The following ZNF454 variants were observed in gnomAD, a reference collection of about 807,000 sequenced individuals.
ZNF454 encodes zinc finger protein 454.
ZNF454 carries 30 observed loss-of-function variants against 48.2 expected under a neutral mutation model. That is an observed-to-expected ratio of 0.62 (90% CI 0.47 to 0.84). The LOEUF (loss-of-function observed/expected upper bound fraction) is 0.84. Among genes scored for constraint, ZNF454 ranks in the 40% least tolerant of loss-of-function variants. ZNF454 has a pLI of 0.00. For synonymous variants in ZNF454, 204 were observed against 211.4 expected (o/e 0.97, Z 0.30); for missense variants, 510 against 623.1 (o/e 0.82, Z 1.93).
At chr5:178,986,521 C>A in the ZNF454 span, 5 of 1,608,550 alleles carry the variant, frequency 3.1e-6, no homozygotes, top group Admixed American at 5.0e-5. Flanking sequence ...CCAGCTCAGG[C>A]GCACCACAGG....
chr5:178,965,412 C>T lies in ZNF454; in HGVS notation c.1008C>T (p.Ala336=). The change falls in exon 5 of 5, where the codon GCC becomes GCT. Residue 336 remains alanine (A), a synonymous_variant. Coordinates refer to ENST00000519564, the MANE Select transcript of ZNF454 (RefSeq NM_001178089.3). The surrounding 1 kb of genome is among the most constrained non-coding windows in gnomAD (Gnocchi z 5.2). ...KPYKCNECGK[A]FNQSTSFLQH... The stretch of plus-strand genomic sequence containing the variant: ...ATAAATGCAATGAATGTGGAAAAGC[C>T]TTTAATCAGAGTACAAGTTTCCTTC... 1 of 1,614,114 alleles carries T rather than the reference C, an allele frequency of 6.2e-7. No individual in the cohort carries two copies.
chr5:178,982,521 G>T, the ZNF454 span, among the ~76,000 whole-genome samples: 1 of 131,938 alleles, frequency 7.6e-6, no homozygotes, highest in Non-Finnish European at 1.5e-5. Context: ...AGCTTGCAGT[G>T]AGCCAAGATC....
chr5:178,979,301 T>C, the ZNF454 span: 3 of 151,970 alleles, frequency 2.0e-5, no homozygotes, highest in African/African-American at 7.3e-5. Context: ...ACACACCGAG[T>C]GTGGAAAAGC....
the ZNF454 span, among the ~76,000 whole-genome samples, chr5:178,984,787 G>T: frequency 6.6e-6 from 1 of 152,090 alleles, no homozygotes; most frequent in Admixed American, 6.5e-5. Flanking sequence ...TGTGTGGAAC[G>T]AATAGAGAAG....
chr5:178,952,365 A>G (rs1759594643), intron 4 of ZNF454, among the ~76,000 whole-genome samples: 1 of 152,134 alleles, frequency 6.6e-6, no homozygotes, highest in African/African-American at 2.4e-5. Flanking sequence ...TTTATTGATT[A>G]TTTACTTTCT....
the ZNF454 span, chr5:178,987,314 A>G: frequency 2.0e-6 from 1 of 510,528 alleles, no homozygotes; most frequent in Non-Finnish European, 3.8e-6. Flanking sequence ...TCCCGGGTAG[A>G]TACTCGAGAG....
At chr5:178,958,078 A>AT (rs913592083) in intron 4 of ZNF454, among the ~76,000 whole-genome samples, 2 of 152,124 alleles carry the variant, frequency 1.3e-5, no homozygotes. Context: ...CGTCCCCTAG[A>AT]TTTTTTAAAG....
In ZNF454 at chr5:178,958,386, A is replaced by G. The variant is rs554098608; in HGVS notation, c.251-6269A>G. On this transcript the variant is annotated intron_variant, in intron 4 of 4. Coordinates refer to ENST00000519564, the MANE Select transcript of ZNF454 (RefSeq NM_001178089.3). Reference sequence around the variant, plus strand: ...TGTCTGGCTTCTTGCTTTCAACAGTATGTCTGAGATTCATCCTTGTTGTCA... The same window carrying G: ...TGTCTGGCTTCTTGCTTTCAACAGTGTGTCTGAGATTCATCCTTGTTGTCA... 3.9e-5 allele frequency among the ~76,000 whole-genome samples: 6 copies of G among 152,304 alleles called. No homozygotes were observed. In the East Asian group the frequency reaches 5.8e-4, roughly 15 times the overall value.
At chr5:178,980,644 GT>G in the ZNF454 span, 1 of 152,636 alleles carries the variant, frequency 6.6e-6, no homozygotes, top group Non-Finnish European at 1.5e-5. This position sits in a 1 kb window ranked among gnomAD's most constrained non-coding sequence, Gnocchi z 4.3. Flanking sequence ...TTTTTGTTTT[GT>G]TTTTTTGAGA....
downstream of ZNF454, among the ~76,000 whole-genome samples, chr5:178,969,960 T>C (rs1323558389): frequency 6.6e-6 from 1 of 152,340 alleles, no homozygotes; most frequent in Middle Eastern, 3.4e-3. Flanking sequence ...TGATTTGTCA[T>C]CTGGGTTCTT....
At chr5:178,987,478 T>C in the ZNF454 span, 2 of 456,462 alleles carry the variant, frequency 4.4e-6, no homozygotes, top group South Asian at 3.1e-5. Flanking sequence ...GATTCAGCCT[T>C]CAAAAGGAAG....
the ZNF454 span, among the ~76,000 whole-genome samples, chr5:178,972,223 C>CG: frequency 6.6e-6 from 1 of 152,026 alleles, no homozygotes; most frequent in African/African-American, 2.4e-5. Flanking sequence ...TGTGAGCCAC[C>CG]GCACCTGGCT....
chr5:178,977,846 A>G, the ZNF454 span, among the ~76,000 whole-genome samples: 1 of 152,116 alleles, frequency 6.6e-6, no homozygotes, highest in African/African-American at 2.4e-5. Flanking sequence ...CAGCCTCCCA[A>G]AGTGCCAAGA....
At chr5:178,986,541 G>A in the ZNF454 span, 1 of 1,607,580 alleles carries the variant, frequency 6.2e-7, no homozygotes, top group Non-Finnish European at 8.5e-7. Flanking sequence ...GTGTGGGGCG[G>A]CAGCCCGTGT....
chr5:178,949,857 C>T (rs552676895), intron 4 of ZNF454, among the ~76,000 whole-genome samples: 71 of 152,254 alleles, frequency 4.7e-4, no homozygotes, highest in African/African-American at 1.4e-3. Context: ...CCTCGTGATC[C>T]GCCCACCTTA....
chr5:178,967,406 C>T (rs902346059), downstream of ZNF454, among the ~76,000 whole-genome samples: 1 of 152,198 alleles, frequency 6.6e-6, no homozygotes, highest in African/African-American at 2.4e-5. Flanking sequence ...ATTTACTACT[C>T]CCAGGATAAA....
At chr5:178,970,033 A>G (rs1020056154), downstream of ZNF454, among the ~76,000 whole-genome samples, 1 of 152,130 alleles carries the variant, frequency 6.6e-6, no homozygotes, top group Non-Finnish European at 1.5e-5. Flanking sequence ...ACCTTCCTCC[A>G]TATTCACTAA....
At chr5:178,982,504 G>A in the ZNF454 span, among the ~76,000 whole-genome samples, 5,279 of 140,874 alleles carry the variant, frequency 0.037, 172 homozygotes, top group East Asian at 0.16. Context: ...CTTGACCCAG[G>A]AGGCGGAGCT....
rs147587461 is a variant in ZNF454, at chr5:178,947,044, C to G, written c.250+58C>G. On this transcript the variant is annotated intron_variant, in intron 4 of 4. Coordinates refer to ENST00000519564, the MANE Select transcript of ZNF454 (RefSeq NM_001178089.3). Reference sequence around the variant, plus strand: ...GAGCCCTGCTGGGTAGGGAAGGCTCCGTAGGGAAGGCAGGGAGGCTTGCAG... The same window carrying G: ...GAGCCCTGCTGGGTAGGGAAGGCTCGGTAGGGAAGGCAGGGAGGCTTGCAG... The G allele has an allele frequency of 6.8e-5, 100 of 1,461,596 alleles. No individual in the cohort carries two copies. The Middle Eastern group carries it at 7.2e-4, about 11-fold the overall frequency. 90.5% of individuals were successfully genotyped at this position (1,461,596 alleles called of 1,614,324 possible).
Sources: gnomAD v4.1 joint callset for allele counts (sites outside exome capture counted in the v4.1 genomes callset) on GRCh38, gnomAD v4.1.1 for gene constraint, Gnocchi (gnomAD v3.1) non-coding constraint, MANE v1.5 for transcripts, NCBI Gene and HGNC (gene_info 2026-07-23, HGNC 2026-07-21) for gene names.